The following LRP1B variants were observed in gnomAD, a reference collection of about 807,000 sequenced individuals.
The protein encoded by LRP1B is low-density lipoprotein receptor-related protein 1B.
A neutral mutation model predicts 556.6 loss-of-function variants in LRP1B; 217 were observed. The observed-to-expected ratio is 0.39, with a 90% CI of 0.35 to 0.44. The LOEUF (loss-of-function observed/expected upper bound fraction) is 0.44, where lower values mean the gene tolerates loss of function less well. Ranked by LOEUF, LRP1B falls within the 20% of genes least tolerant of loss-of-function variation. The pLI is 1.00. For synonymous variants in LRP1B, 2,047 were observed against 1,865.8 expected, an observed-to-expected ratio of 1.10 and a Z score of -2.50; for missense variants, 5,053 against 5,620.8, an observed-to-expected ratio of 0.90 and a Z score of 3.23.
Position 140,956,066 on chromosome 2 carries a change from A to C in LRP1B, c.2888-4126T>G, listed in dbSNP as rs574385775. Among the ~76,000 whole-genome samples, 84 of 151,880 alleles carry C rather than the reference A, an allele frequency of 5.5e-4. 1 individual carries two copies. In the South Asian group the frequency reaches 8.5e-3, roughly 15 times the overall value. On this transcript the variant is annotated intron_variant, in intron 18 of 90. Coordinates refer to ENST00000389484, the MANE Select transcript of LRP1B (RefSeq NM_018557.3). Reference sequence around the variant, plus strand: ...CAAGATAAGAATATTGTACGAGTCCAGATTTAGGAAAGTATTATCTTCACC... The same window carrying C: ...CAAGATAAGAATATTGTACGAGTCCCGATTTAGGAAAGTATTATCTTCACC...
At chr2:140,270,397 T>G in intron 85 of LRP1B, 51 bp from the exon 86 acceptor site, 1 of 1,160,778 alleles carries the variant, frequency 8.6e-7, no homozygotes. Flanking sequence ...GGCAACATTA[T>G]TGCTGAAAGC....
intron 2 of LRP1B, among the ~76,000 whole-genome samples, chr2:141,649,946 G>A (rs370359887): frequency 2.6e-5 from 4 of 152,186 alleles, no homozygotes; most frequent in African/African-American, 4.8e-5. Context: ...TTGGGAGGCC[G>A]AAGCAGATGG....
intron 3 of LRP1B, among the ~76,000 whole-genome samples, chr2:141,311,871 T>C (rs970816194): frequency 2.0e-5 from 3 of 152,176 alleles, no homozygotes; most frequent in Non-Finnish European, 2.9e-5. Context: ...CAATTGGTAC[T>C]GAGAATTGGA....
chr2:140,449,608 C>T (rs1017872139), intron 63 of LRP1B, among the ~76,000 whole-genome samples: 11 of 152,102 alleles, frequency 7.2e-5, no homozygotes, highest in Admixed American at 2.0e-4. Context: ...AACATATGCA[C>T]TATGTGAAAC....
intron 2 of LRP1B, among the ~76,000 whole-genome samples, chr2:141,554,117 G>A (rs1271613513): frequency 2.8e-5 from 4 of 141,248 alleles, no homozygotes; most frequent in African/African-American, 7.7e-5. Context: ...TAATAGACAA[G>A]ATATAGATTA....
At chr2:142,097,866 G>A (rs1470576212) in intron 1 of LRP1B, among the ~76,000 whole-genome samples, 1 of 151,608 alleles carries the variant, frequency 6.6e-6, no homozygotes, top group Admixed American at 6.6e-5. Flanking sequence ...TGTAAATAAT[G>A]TATCGACAAC....
intron 3 of LRP1B, among the ~76,000 whole-genome samples, chr2:141,309,027 C>G (rs896359281): frequency 1.3e-5 from 2 of 152,114 alleles, no homozygotes; most frequent in African/African-American, 4.8e-5. Flanking sequence ...GGTAATCCAG[C>G]TTCAAATTGA....
In LRP1B at chr2:141,250,048, G is replaced by C. The variant is rs1461640596; in HGVS notation, c.464-2694C>G. Among the ~76,000 whole-genome samples, 5 of 152,108 alleles carry C rather than the reference G, an allele frequency of 3.3e-5. No homozygotes were observed. The East Asian group carries it at 9.6e-4, about 29-fold the overall frequency. ...AAAAGAAACAGAAAAATGAAGAGGG[G>C]AGCAAAAGATAACAGGATGGATTGA... On this transcript the variant is annotated intron_variant, in intron 4 of 90. Coordinates refer to ENST00000389484, the MANE Select transcript of LRP1B (RefSeq NM_018557.3).
At chr2:141,762,885 C>T (rs1026744521) in intron 2 of LRP1B, among the ~76,000 whole-genome samples, 2 of 152,174 alleles carry the variant, frequency 1.3e-5, no homozygotes, top group African/African-American at 4.8e-5. Flanking sequence ...AGGTCACATC[C>T]CAATCTCTCT....
At chr2:141,790,580 A>C (rs1695580233) in intron 2 of LRP1B, among the ~76,000 whole-genome samples, 1 of 151,890 alleles carries the variant, frequency 6.6e-6, no homozygotes, top group African/African-American at 2.4e-5. Flanking sequence ...AAAGTGAAAA[A>C]TGTTTCTTGG....
At chr2:140,653,967 A>G (rs182233728) in intron 41 of LRP1B, among the ~76,000 whole-genome samples, 1,761 of 145,842 alleles carry the variant, frequency 0.012, 32 homozygotes, top group African/African-American at 0.04. Flanking sequence ...GGAGGTTGCA[A>G]TGAGCCAAGA....
rs550800958 is a variant in LRP1B at position 142,078,216 on chromosome 2, C to T, written c.82+52432G>A. On this transcript the variant is annotated intron_variant, in intron 1 of 90. Coordinates refer to ENST00000389484, the MANE Select transcript of LRP1B (RefSeq NM_018557.3). ...TTGAAATGTACATTTTCTCAACCTC[C>T]TCTGTTTGGGAAAACTGCATGATAA... 2.2e-3 allele frequency among the ~76,000 whole-genome samples: 337 copies of T among 152,224 alleles called. 1 individual carries two copies. The highest frequency in any genetic ancestry group is 7.6e-3 in the African/African-American group (317 of 41,542).
intron 7 of LRP1B, among the ~76,000 whole-genome samples, chr2:141,134,432 G>A (rs12614361): frequency 0.99 from 151,006 of 151,966 alleles, 75,033 homozygotes; most frequent in Middle Eastern, 1. Flanking sequence ...TTAACCAGCC[G>A]CTTTTCTCTC....
intron 7 of LRP1B, among the ~76,000 whole-genome samples, chr2:141,146,620 G>A (rs1434934693): frequency 2.6e-5 from 4 of 152,166 alleles, no homozygotes; most frequent in African/African-American, 9.7e-5. Flanking sequence ...GATAACTATA[G>A]ATAAGAGAAT....
intron 87 of LRP1B, among the ~76,000 whole-genome samples, chr2:140,245,708 T>C (rs1344326923): frequency 6.6e-6 from 1 of 151,388 alleles, no homozygotes; most frequent in African/African-American, 2.4e-5. Flanking sequence ...GCCCTAAATC[T>C]TGGGAAGAGA....
chr2:141,766,608 A>G (rs1694740524), intron 2 of LRP1B, among the ~76,000 whole-genome samples: 1 of 152,166 alleles, frequency 6.6e-6, no homozygotes, highest in African/African-American at 2.4e-5. Context: ...CTTCTCTCCA[A>G]CAGAAAATGG....
At chr2:141,309,225 T>A (rs1397514614) in intron 3 of LRP1B, among the ~76,000 whole-genome samples, 1 of 152,254 alleles carries the variant, frequency 6.6e-6, no homozygotes, top group Admixed American at 6.5e-5. Flanking sequence ...TGAATTTTAG[T>A]ACAAGTTTTG....
chr2:141,897,125 T>C (rs1699477619), intron 1 of LRP1B, among the ~76,000 whole-genome samples: 1 of 152,164 alleles, frequency 6.6e-6, no homozygotes, highest in Admixed American at 6.6e-5. Context: ...TTTTAAAGTA[T>C]AATCTTAGTC....
intron 1 of LRP1B, among the ~76,000 whole-genome samples, chr2:142,104,010 A>G (rs967119688): frequency 1.3e-5 from 2 of 152,154 alleles, no homozygotes; most frequent in Non-Finnish European, 2.9e-5. Context: ...TTTTCACAGT[A>G]CCTTCCAAAT....
Sources: allele counts gnomAD v4.1 joint callset (sites outside exome capture counted in the v4.1 genomes callset), GRCh38; gene constraint gnomAD v4.1.1; transcripts MANE v1.5; gene names NCBI Gene and HGNC (gene_info 2026-07-23, HGNC 2026-07-21).